Variants in NHSL1 observed in about 807,000 individuals in gnomAD.
The protein encoded by NHSL1 is NHS-like protein 1.
A neutral mutation model predicts 95.0 loss-of-function variants in NHSL1; 48 were observed. The observed-to-expected ratio is 0.51, with a 90% CI of 0.40 to 0.64. NHSL1 has a LOEUF of 0.64. Among genes scored for constraint, NHSL1 ranks in the 30% least tolerant of loss-of-function variants. The pLI, the probability that NHSL1 is intolerant of heterozygous loss-of-function variation, is 0.00. For missense variants in NHSL1, 1,971 were observed against 2,077.7 expected (o/e 0.95, Z 1.00); for synonymous variants, 783 against 833.9 (o/e 0.94, Z 1.05).
At chr6:138,462,647 T>C (rs1778073970) in intron 3 of NHSL1, among the ~76,000 whole-genome samples, 1 of 152,362 alleles carries the variant, frequency 6.6e-6, no homozygotes, top group Admixed American at 6.5e-5. Context: ...TGTGAAATAT[T>C]ACTTGGGAGA....
At chr6:138,561,526 G>T (rs887867544) in intron 1 of NHSL1, among the ~76,000 whole-genome samples, 4 of 152,176 alleles carry the variant, frequency 2.6e-5, no homozygotes, top group Admixed American at 1.3e-4. Context: ...GAAACGCCCT[G>T]TAGGCCAGGT....
intron 1 of NHSL1, among the ~76,000 whole-genome samples, chr6:138,545,136 A>G (rs1583389993): frequency 6.6e-6 from 1 of 151,576 alleles, no homozygotes; most frequent in Non-Finnish European, 1.5e-5. Context: ...GATTACAGGC[A>G]CCCGCCACCA....
intron 1 of NHSL1, among the ~76,000 whole-genome samples, chr6:138,636,924 A>G (rs1284820731): frequency 6.6e-6 from 1 of 152,214 alleles, no homozygotes; most frequent in African/African-American, 2.4e-5. Context: ...TAAAATTTAT[A>G]TGGAACCATG....
In NHSL1 at chr6:138,447,199, G is replaced by A; in HGVS notation, c.340-6C>T. ...TCTGATGAAGACAGAGAACACTGCA[G>A]AGAAAAAAGAAGCAGCAGCCACAGT... On this transcript the variant is annotated splice_region_variant and splice_polypyrimidine_tract_variant and intron_variant, in intron 3 of 7. Transcript: ENST00000343505. The A allele has an allele frequency of 6.5e-7, 1 of 1,548,780 alleles. No individual in the cohort carries two copies. The highest frequency in any genetic ancestry group is 2.4e-5 in the East Asian group (1 of 40,922).
intron 1 of NHSL1, among the ~76,000 whole-genome samples, chr6:138,655,393 C>T (rs760182266): frequency 6.6e-5 from 10 of 152,212 alleles, no homozygotes; most frequent in African/African-American, 9.7e-5. Context: ...CTTGACCCAG[C>T]AGATTAGAAG....
chr6:138,432,271 T>C lies in NHSL1; in HGVS notation c.2074A>G (p.Asn692Asp), dbSNP rs1413795846. 6.4e-7 allele frequency: 1 copy of C among 1,551,098 alleles called. No individual in the cohort carries two copies. Among genetic ancestry groups the C allele is most frequent in the Non-Finnish European group, 8.7e-7 (1 of 1,146,744 alleles). Residue 692 changes from asparagine to aspartate, a missense_variant, in exon 6 of 8, where the codon AAC becomes GAC. Physicochemically the swap from Asn to Asp is conservative, Grantham distance 23. This residue lies in a region of NHSL1 where 1,602 missense variants were observed against 1,654.5 expected (regional missense o/e 0.97). Coordinates refer to ENST00000343505, the MANE Select transcript of NHSL1 (RefSeq NM_001144060.2). The surrounding 1 kb of genome is among the most constrained non-coding windows in gnomAD (Gnocchi z 4.4). Reference protein sequence around the residue: ...RRIPKKSSQCNGQVLNESLIA... With the variant: ...RRIPKKSSQCDGQVLNESLIA... Reference sequence around the variant, plus strand: ...AGGCTCTCGTTGAGCACCTGCCCGTTGCACTGGCTGCTCTTCTTGGGAATC... The same window carrying C: ...AGGCTCTCGTTGAGCACCTGCCCGTCGCACTGGCTGCTCTTCTTGGGAATC...
intron 3 of NHSL1, among the ~76,000 whole-genome samples, chr6:138,467,222 G>A (rs191904068): frequency 0.014 from 2,051 of 151,594 alleles, 18 homozygotes; most frequent in Middle Eastern, 0.041. Context: ...GCGCGATCTC[G>A]GCTCACTGCC....
intron 1 of NHSL1, among the ~76,000 whole-genome samples, chr6:138,680,122 CAA>C (rs1190131876): frequency 6.6e-6 from 1 of 152,120 alleles, no homozygotes; most frequent in Non-Finnish European, 1.5e-5. Flanking sequence ...TTTATTTACA[CAA>C]AACTTACATA....
At chr6:138,597,612 C>G (rs1044580203) in intron 1 of NHSL1, among the ~76,000 whole-genome samples, 1 of 152,190 alleles carries the variant, frequency 6.6e-6, no homozygotes, top group African/African-American at 2.4e-5. Flanking sequence ...CACTGACCAC[C>G]TAACCGCTTG....
chr6:138,590,946 C>T (rs1177304667), intron 1 of NHSL1, among the ~76,000 whole-genome samples: 1 of 152,276 alleles, frequency 6.6e-6, no homozygotes, highest in African/African-American at 2.4e-5. Context: ...AGGCAAATAG[C>T]ACAAATATTT....
At chr6:138,675,303 C>G (rs1237342807) in intron 1 of NHSL1, among the ~76,000 whole-genome samples, 1 of 152,042 alleles carries the variant, frequency 6.6e-6, no homozygotes, top group Non-Finnish European at 1.5e-5. Flanking sequence ...CTAAAGCTAT[C>G]TGCTGCTTCC....
intron 1 of NHSL1, among the ~76,000 whole-genome samples, chr6:138,521,909 G>GA (rs1260636706): frequency 6.6e-6 from 1 of 152,106 alleles, no homozygotes; most frequent in Admixed American, 6.5e-5. Flanking sequence ...GGCAGGAAGA[G>GA]AAAAGAGGAA....
intron 1 of NHSL1, among the ~76,000 whole-genome samples, chr6:138,682,963 AT>A (rs1785532779): frequency 6.6e-6 from 1 of 152,166 alleles, no homozygotes; most frequent in Admixed American, 6.5e-5. Context: ...AAAACGTGAC[AT>A]TGGGGGCTTG....
At chr6:138,552,770 C>T (rs1259757038) in intron 1 of NHSL1, among the ~76,000 whole-genome samples, 1 of 152,206 alleles carries the variant, frequency 6.6e-6, no homozygotes, top group Non-Finnish European at 1.5e-5. Flanking sequence ...GCCTTGACTT[C>T]CACTGCTGTC....
chr6:138,437,409 C>CACATATATATAT (rs1776232955), intron 5 of NHSL1, among the ~76,000 whole-genome samples: 1 of 72,448 alleles, frequency 1.4e-5, no homozygotes, highest in Non-Finnish European at 2.4e-5. Context: ...TATATACACA[C>CACATATATATAT]ATATACACAC....
At chr6:138,444,936 C>T (rs970101969) in intron 4 of NHSL1, among the ~76,000 whole-genome samples, 19 of 152,064 alleles carry the variant, frequency 1.2e-4, no homozygotes, top group Non-Finnish European at 2.8e-4. Context: ...GTTAATCACT[C>T]GATTAAAAGT....
intron 1 of NHSL1, among the ~76,000 whole-genome samples, chr6:138,687,305 G>A (rs1032981725): frequency 2.0e-5 from 3 of 151,804 alleles, no homozygotes; most frequent in Non-Finnish European, 4.4e-5. Context: ...AGAAGAAGAC[G>A]AAGTGCAGTG....
chr6:138,467,319 A>G (rs1176460259), intron 3 of NHSL1, among the ~76,000 whole-genome samples: 1 of 151,824 alleles, frequency 6.6e-6, no homozygotes, highest in East Asian at 1.9e-4. Flanking sequence ...CGCCTGGCTA[A>G]TTTTTTGTAT....
chr6:138,691,251 C>A (rs1562414609), intron 1 of NHSL1, among the ~76,000 whole-genome samples: 3 of 152,138 alleles, frequency 2.0e-5, no homozygotes, highest in Non-Finnish European at 4.4e-5. Flanking sequence ...GAGGGGGACG[C>A]TCTCCCAGGT....
Sources: allele counts gnomAD v4.1 joint callset (sites outside exome capture counted in the v4.1 genomes callset), GRCh38; gene constraint gnomAD v4.1.1; regional missense constraint gnomAD v4.1.1; non-coding constraint Gnocchi (gnomAD v3.1); transcripts MANE v1.5; gene names NCBI Gene and HGNC (gene_info 2026-07-23, HGNC 2026-07-21).